The following MBTPS2 variants were observed in gnomAD, a reference collection of about 807,000 sequenced individuals.
The protein encoded by MBTPS2 is membrane-bound transcription factor site-2 protease.
MBTPS2 carries 2 observed loss-of-function variants against 35.4 expected under a neutral mutation model. That is an observed-to-expected ratio of 0.06 (90% CI 0.02 to 0.18). The LOEUF (loss-of-function observed/expected upper bound fraction) is 0.18. Ranked by LOEUF, MBTPS2 falls within the 10% of genes least tolerant of loss-of-function variation. The pLI is 1.00. For missense variants in MBTPS2, 244 were observed against 386.5 expected (o/e 0.63, Z 3.09); for synonymous variants, 125 against 140.4 (o/e 0.89, Z 0.77).
chrX:21,855,591 C>G (rs964206378), intron 5 of MBTPS2, among the ~76,000 whole-genome samples: 3 of 110,103 alleles, frequency 2.7e-5, no homozygotes, highest in African/African-American at 9.9e-5. Context: ...GCCACCACGC[C>G]CAGCTAATTT....
chrX:21,855,613 G>C (rs1245120778), intron 5 of MBTPS2, among the ~76,000 whole-genome samples: 1 of 110,517 alleles, frequency 9.0e-6, no homozygotes, highest in East Asian at 2.9e-4. Context: ...TGTATTTTTA[G>C]TAGAGAAGGG....
chrX:21,854,360 T>G (rs2092918005), intron 5 of MBTPS2, among the ~76,000 whole-genome samples: 1 of 112,149 alleles, frequency 8.9e-6, no homozygotes, highest in Admixed American at 9.5e-5. Context: ...ACACATTTAT[T>G]TTGTCAATAA....
chrX:21,849,765 G>A (rs2092912544), intron 3 of MBTPS2, among the ~76,000 whole-genome samples: 1 of 107,076 alleles, frequency 9.3e-6, no homozygotes, highest in Admixed American at 1.0e-4. Context: ...AGTGGCTCAC[G>A]CTTGTAATCC....
At position 21,845,195 on chromosome X, in the gene MBTPS2, C is replaced by T. The variant is rs759857679; in HGVS notation, c.249C>T (p.Gly83=). The change falls in exon 3 of 11, where the codon GGC becomes GGT. Residue 83 remains glycine, a synonymous_variant. Transcript: ENST00000379484. ...YQWFNFGMVF[G]VIAMFSSFFL... The stretch of plus-strand genomic sequence containing the variant: ...GGTTCAATTTTGGAATGGTGTTTGG[C>T]GTAATTGCCATGTTTAGCTCATTTT... The T allele has an allele frequency of 1.5e-5, 18 of 1,210,093 alleles. No individual in the cohort carries two copies. The highest frequency in any genetic ancestry group is 8.9e-6 in the Non-Finnish European group (8 of 894,162).
intron 3 of MBTPS2, among the ~76,000 whole-genome samples, chrX:21,847,954 C>T (rs995200870): frequency 1.8e-5 from 2 of 112,076 alleles, no homozygotes; most frequent in Non-Finnish European, 3.8e-5. Flanking sequence ...ATCTGGGACT[C>T]TAGCTTAAGG....
chrX:21,842,041 A>T (rs1034978515), intron 1 of MBTPS2: 1 of 112,281 alleles, frequency 8.9e-6, no homozygotes, highest in African/African-American at 3.2e-5. Flanking sequence ...GCAAACAGCT[A>T]CCTATATTCA....
intron 5 of MBTPS2, chrX:21,857,777 A>T (rs990146382): frequency 7.8e-4 from 410 of 526,851 alleles, no homozygotes; most frequent in Non-Finnish European, 5.3e-4. Flanking sequence ...AAACGTTTTT[A>T]AAAAGGTAAA....
chrX:21,842,020 A>G (rs907111458), intron 1 of MBTPS2: 10 of 112,301 alleles, frequency 8.9e-5, no homozygotes, highest in African/African-American at 3.2e-4. Context: ...AGATAATACT[A>G]CAGATCCAAA....
intron 5 of MBTPS2, chrX:21,858,338 T>C (rs1350728577): frequency 1.6e-5 from 2 of 123,551 alleles, no homozygotes; most frequent in Non-Finnish European, 1.9e-5. Context: ...TCAGTTAAAG[T>C]AGTGCTTGCT....
intron 5 of MBTPS2, among the ~76,000 whole-genome samples, chrX:21,866,663 T>C (rs916976189): frequency 9.0e-6 from 1 of 111,588 alleles, no homozygotes; most frequent in Non-Finnish European, 1.9e-5. Context: ...ACAGATGTCG[T>C]GTTCCTATGT....
chrX:21,857,624 G>C, intron 5 of MBTPS2: 1 of 1,180,595 alleles, frequency 8.5e-7, no homozygotes, highest in Non-Finnish European at 1.1e-6. Flanking sequence ...ACCCCTCTCA[G>C]ACTTGGGAAT....
intron 7 of MBTPS2, among the ~76,000 whole-genome samples, chrX:21,873,734 G>A (rs187085037): frequency 9.1e-6 from 1 of 110,251 alleles, no homozygotes; most frequent in Non-Finnish European, 1.9e-5. Context: ...ACTGTCTTAC[G>A]TATCTTTAAC....
At position 21,865,804 on chromosome X, in the gene MBTPS2, T is replaced by C. The variant is rs188880269; in HGVS notation, c.671-2663T>C. 7.5e-3 allele frequency among the ~76,000 whole-genome samples: 837 copies of C among 112,217 alleles called. 6 individuals carry two copies. Among genetic ancestry groups the C allele is most frequent in the African/African-American group, 0.026 (791 of 30,895 alleles). On this transcript the variant is annotated intron_variant, in intron 5 of 10. Coordinates refer to ENST00000379484, the MANE Select transcript of MBTPS2 (RefSeq NM_015884.4). ...TTAAGGTAGTTGTGGTTTTTTTTTA[T>C]TATTATTTGCAAACCACACTAAGCA...
Position 21,839,849 on chromosome X carries a change from A to G in MBTPS2, c.75+40A>G, listed in dbSNP as rs184587560. 2.8e-3 allele frequency: 3,127 copies of G among 1,132,883 alleles called. 64 individuals carry two copies. The African/African-American group carries it at 0.05, about 18-fold the overall frequency. The allele number at this position is 1,132,883 out of a possible 1,213,427, so 93.4% of individuals were successfully genotyped here. A position where few individuals can be genotyped will look rare whatever the true frequency, so the allele number is the denominator to read the frequency against. The stretch of plus-strand genomic sequence containing the variant: ...CCTAAGGTCCAAGCCCGCGGTGCCC[A>G]TGGCCGGAGCGCAAGGCCTTCTTTT... On this transcript the variant is annotated intron_variant, in intron 1 of 10. Transcript: ENST00000379484.
intron 6 of MBTPS2, 62 bp from the exon 7 acceptor site, chrX:21,869,436 G>A: frequency 1.2e-6 from 1 of 854,703 alleles, no homozygotes; most frequent in Admixed American, 2.2e-5. Flanking sequence ...TTTATTATTT[G>A]CTCAGATTAA....
chrX:21,874,478 C>T (rs1355551558), intron 7 of MBTPS2, among the ~76,000 whole-genome samples: 1 of 111,552 alleles, frequency 9.0e-6, no homozygotes, highest in Non-Finnish European at 1.9e-5. Context: ...GAAAATTGTT[C>T]AGTTCATATT....
chrX:21,884,252 G>A lies in MBTPS2; in HGVS notation c.*1597G>A. On this transcript the variant is annotated 3_prime_UTR_variant, in exon 11 of 11. Coordinates refer to ENST00000379484, the MANE Select transcript of MBTPS2 (RefSeq NM_015884.4). The stretch of plus-strand genomic sequence containing the variant: ...TTATTGGTTTATTCCAGAAAATACA[G>A]TATTTGTTCTATTTTTAGGTAGACA... The A allele has an allele frequency of 1.4e-6, 1 of 736,602 alleles. No individual in the cohort carries two copies. Among genetic ancestry groups the A allele is most frequent in the Non-Finnish European group, 1.6e-6 (1 of 622,901 alleles). The allele number at this position is 736,602 out of a possible 1,213,427, so 60.7% of individuals were successfully genotyped here.
chrX:21,878,381 TC>T (rs1821052263), intron 8 of MBTPS2, 115 bp from the exon 9 acceptor site: 1 of 592,216 alleles, frequency 1.7e-6, no homozygotes, highest in East Asian at 3.6e-5. Flanking sequence ...AAATGGCATT[TC>T]TTTTATATGA....
intron 5 of MBTPS2, among the ~76,000 whole-genome samples, chrX:21,860,160 C>T (rs1206324287): frequency 9.0e-6 from 1 of 111,232 alleles, no homozygotes; most frequent in Non-Finnish European, 1.9e-5. Context: ...GTAATCCCAG[C>T]ACTGTGAGAG....
Sources: allele counts gnomAD v4.1 joint callset (sites outside exome capture counted in the v4.1 genomes callset), GRCh38; gene constraint gnomAD v4.1.1; transcripts MANE v1.5; gene names NCBI Gene and HGNC (gene_info 2026-07-23, HGNC 2026-07-21).